Variants in TNFRSF21 observed in about 807,000 individuals in gnomAD.
TNFRSF21 encodes TNF receptor superfamily member 21, also known as tumor necrosis factor receptor superfamily member 21.
In TNFRSF21, 19 loss-of-function variants were observed where a neutral mutation model predicts 45.6. The observed-to-expected ratio is 0.42, with a 90% confidence interval of 0.29 to 0.61. The LOEUF is 0.61. Among genes scored for constraint, TNFRSF21 ranks in the 20% least tolerant of loss-of-function variants. The probability of loss-of-function intolerance (pLI) is 0.23; values close to 1 mark genes in which losing one functional copy is unlikely to be tolerated. For missense variants in TNFRSF21, 737 were observed against 851.5 expected (o/e 0.87, Z 1.67); for synonymous variants, 314 against 335.5 (o/e 0.94, Z 0.70).
intron 1 of TNFRSF21, among the ~76,000 whole-genome samples, chr6:47,302,711 T>G (rs1189747033): frequency 6.6e-6 from 1 of 152,202 alleles, no homozygotes; most frequent in Non-Finnish European, 1.5e-5. Context: ...AAAGAGAATG[T>G]TCAACTCTTG....
intron 1 of TNFRSF21, among the ~76,000 whole-genome samples, chr6:47,305,868 C>T (rs1762934029): frequency 6.6e-6 from 1 of 152,186 alleles, no homozygotes; most frequent in South Asian, 2.1e-4. Context: ...AAGCGAGCTC[C>T]CCGAGGGCAA....
chr6:47,268,967 T>C (rs1296546495), intron 3 of TNFRSF21, among the ~76,000 whole-genome samples: 2 of 152,216 alleles, frequency 1.3e-5, no homozygotes, highest in Non-Finnish European at 2.9e-5. Flanking sequence ...AACCAGAATG[T>C]CCTCTGTACT....
chr6:47,291,448 G>A (rs756453082), intron 1 of TNFRSF21, among the ~76,000 whole-genome samples: 9 of 152,172 alleles, frequency 5.9e-5, no homozygotes, highest in Non-Finnish European at 1.0e-4. Flanking sequence ...GAAGGTGGTG[G>A]TGACTCAGAC....
chr6:47,283,339 T>G (rs984941110), intron 3 of TNFRSF21, among the ~76,000 whole-genome samples: 4 of 152,172 alleles, frequency 2.6e-5, no homozygotes, highest in African/African-American at 9.7e-5. Context: ...ACCGACATAT[T>G]ATGCTTCTGG....
chr6:47,257,104 A>G (rs534824238), intron 3 of TNFRSF21, among the ~76,000 whole-genome samples: 43 of 152,342 alleles, frequency 2.8e-4, no homozygotes, highest in South Asian at 4.1e-4. Context: ...AATGCATTTC[A>G]GATGCAAATA....
chr6:47,242,918 C>CA (rs1168307754), intron 4 of TNFRSF21, among the ~76,000 whole-genome samples: 1 of 152,172 alleles, frequency 6.6e-6, no homozygotes, highest in Admixed American at 6.5e-5. Flanking sequence ...ATCTTTCCCA[C>CA]AAAAAAGCCT....
intron 3 of TNFRSF21, among the ~76,000 whole-genome samples, chr6:47,271,930 T>C (rs932560424): frequency 6.6e-6 from 1 of 152,182 alleles, no homozygotes; most frequent in African/African-American, 2.4e-5. Context: ...GGCCATTACA[T>C]AATGGTAAAG....
intron 3 of TNFRSF21, among the ~76,000 whole-genome samples, chr6:47,267,750 A>T (rs115227713): frequency 0.021 from 3,263 of 152,248 alleles, 139 homozygotes; most frequent in African/African-American, 0.075. Context: ...GGTGAGACAC[A>T]GGCCTGGCAC....
intron 1 of TNFRSF21, among the ~76,000 whole-genome samples, chr6:47,305,548 C>A (rs929132538): frequency 2.0e-5 from 3 of 152,154 alleles, no homozygotes; most frequent in African/African-American, 7.2e-5. Context: ...CAGCCCCCAC[C>A]AGACCACTCC....
chr6:47,278,190 C>A (rs1326466342), intron 3 of TNFRSF21, among the ~76,000 whole-genome samples: 2 of 152,114 alleles, frequency 1.3e-5, no homozygotes, highest in Non-Finnish European at 2.9e-5. Flanking sequence ...TTCTTACCAT[C>A]TATGGCAATT....
At chr6:47,250,369 G>C (rs1488315494) in intron 4 of TNFRSF21, among the ~76,000 whole-genome samples, 1 of 152,170 alleles carries the variant, frequency 6.6e-6, no homozygotes, top group Admixed American at 6.5e-5. Flanking sequence ...TGGAAGGCTG[G>C]GTTCAGTTTA....
At chr6:47,270,702 A>G (rs1017698605) in intron 3 of TNFRSF21, among the ~76,000 whole-genome samples, 2 of 152,192 alleles carry the variant, frequency 1.3e-5, no homozygotes, top group African/African-American at 4.8e-5. Flanking sequence ...GAAGATCAGT[A>G]ATAACAAACT....
Position 47,251,110 on chromosome 6 carries a change from G to A in TNFRSF21, c.1509+2146C>T, listed in dbSNP as rs116749575. ...AAATCCAAAATCTAAAACACTTCCAGTCCCAAGCATATCAGATAAAGGATA... is the reference window on the plus strand; with the variant it reads ...AAATCCAAAATCTAAAACACTTCCAATCCCAAGCATATCAGATAAAGGATA... On this transcript the variant is annotated intron_variant, in intron 4 of 5. Transcript: ENST00000296861. 6.9e-3 allele frequency among the ~76,000 whole-genome samples: 1,051 copies of A among 152,164 alleles called. 12 individuals are homozygous for A. The highest frequency in any genetic ancestry group is 0.024 in the African/African-American group (987 of 41,498).
At chr6:47,305,131 A>T (rs1762920890) in intron 1 of TNFRSF21, among the ~76,000 whole-genome samples, 1 of 152,186 alleles carries the variant, frequency 6.6e-6, no homozygotes, top group South Asian at 2.1e-4. Context: ...AGTATACTAC[A>T]TTCATCCAGT....
intron 3 of TNFRSF21, among the ~76,000 whole-genome samples, chr6:47,281,705 G>C (rs1045138429): frequency 6.6e-6 from 1 of 152,056 alleles, no homozygotes; most frequent in Non-Finnish European, 1.5e-5. Flanking sequence ...TTTACGTAGA[G>C]AGAGCAAATG....
intron 3 of TNFRSF21, among the ~76,000 whole-genome samples, chr6:47,282,163 A>G (rs1005447205): frequency 1.6e-4 from 24 of 152,254 alleles, no homozygotes; most frequent in Non-Finnish European, 3.2e-4. Context: ...AGGCGGGCGG[A>G]TCACCTGAGG....
At chr6:47,255,674 G>A (rs1409033376) in intron 3 of TNFRSF21, among the ~76,000 whole-genome samples, 1 of 152,118 alleles carries the variant, frequency 6.6e-6, no homozygotes, top group Non-Finnish European at 1.5e-5. Flanking sequence ...TGTTGGCCAG[G>A]CTGGTCTCAA....
In TNFRSF21 at chr6:47,284,333, C is replaced by G; in HGVS notation, c.848G>C (p.Arg283Thr). The change falls in exon 3 of 6, where the codon AGG (arginine) becomes ACG (threonine). Residue 283 changes from arginine to threonine, a missense_variant. Physicochemically the swap from Arg to Thr is moderately conservative, Grantham distance 71. Coordinates refer to ENST00000296861, the MANE Select transcript of TNFRSF21 (RefSeq NM_014452.5). The stretch of plus-strand genomic sequence containing the variant: ...GGTCTTGTTCACGTCTTCCTTCCCC[C>G]TTGCTGAGCTTGTGTTGTCAGGGAC... ...GTVPDNTSSA[R>T]GKEDVNKTLP... The G allele has an allele frequency of 2.5e-6, 4 of 1,591,764 alleles. No homozygotes were observed. The highest frequency in any genetic ancestry group is 3.4e-6 in the Non-Finnish European group (4 of 1,169,880).
intron 4 of TNFRSF21, among the ~76,000 whole-genome samples, chr6:47,248,429 A>G (rs753789283): frequency 7.2e-5 from 11 of 152,196 alleles, no homozygotes; most frequent in Non-Finnish European, 1.2e-4. Flanking sequence ...AGGCGCAGGG[A>G]AAGAGTGCAC....
Sources: allele counts gnomAD v4.1 joint callset (sites outside exome capture counted in the v4.1 genomes callset), GRCh38; gene constraint gnomAD v4.1.1; transcripts MANE v1.5; gene names NCBI Gene and HGNC (gene_info 2026-07-23, HGNC 2026-07-21).